The following TMEM230 variants were observed in gnomAD, a reference collection of about 807,000 sequenced individuals.
The protein encoded by TMEM230 is transmembrane protein 230.
TMEM230 carries 10 observed loss-of-function variants against 15.8 expected under a neutral mutation model. The ratio of observed to expected loss-of-function variants is 0.63; its 90% CI spans 0.39 to 1.07. The LOEUF is 1.07. Among genes scored for constraint, TMEM230 ranks in the 50% least tolerant of loss-of-function variants. TMEM230 has a pLI of 0.01. For synonymous variants in TMEM230, 67 were observed against 76.9 expected (o/e 0.87, Z 0.68); for missense variants, 165 against 193.3 (o/e 0.85, Z 0.87).
chr20:5,065,900 C>T (rs761268168), downstream of TMEM230, among the ~76,000 whole-genome samples: 2 of 152,168 alleles, frequency 1.3e-5, no homozygotes, highest in Non-Finnish European at 2.9e-5. Context: ...GTGGGCTGCA[C>T]TGGAGACCCC....
chr20:5,076,104 G>A (rs2088985275), intron 3 of TMEM230, among the ~76,000 whole-genome samples: 1 of 150,324 alleles, frequency 6.7e-6, no homozygotes, highest in Non-Finnish European at 1.5e-5. Flanking sequence ...GCAAGACCCT[G>A]TCTAAAAAAA....
intron 3 of TMEM230, among the ~76,000 whole-genome samples, chr20:5,089,971 G>A (rs1474589822): frequency 2.6e-5 from 4 of 151,996 alleles, no homozygotes; most frequent in Admixed American, 1.3e-4. Flanking sequence ...GTGGGCTATC[G>A]TGCCACTGCA....
intron 3 of TMEM230, among the ~76,000 whole-genome samples, chr20:5,093,319 C>T (rs921815784): frequency 5.3e-5 from 8 of 152,112 alleles, no homozygotes; most frequent in Non-Finnish European, 1.2e-4. Flanking sequence ...GCAATTTTGG[C>T]TCACTGCAAC....
chr20:5,067,410 CATATATATATATAT>C (rs60791101), downstream of TMEM230: 152 of 102,296 alleles, frequency 1.5e-3, no homozygotes, highest in Non-Finnish European at 1.8e-3. Flanking sequence ...TGTTTAGGCT[CATATATATATATAT>C]ATATATATAT....
chr20:5,077,165 A>G (rs2089029914), intron 3 of TMEM230, among the ~76,000 whole-genome samples: 1 of 151,876 alleles, frequency 6.6e-6, no homozygotes, highest in African/African-American at 2.4e-5. Flanking sequence ...AAATTAGCTG[A>G]ACATGGTGGC....
At chr20:5,107,608 T>C (rs954990490) in intron 3 of TMEM230, among the ~76,000 whole-genome samples, 1 of 152,196 alleles carries the variant, frequency 6.6e-6, no homozygotes, top group Non-Finnish European at 1.5e-5. Flanking sequence ...GGCACATAGA[T>C]GGCTGTACTA....
At chr20:5,059,444 G>T in the TMEM230 span, among the ~76,000 whole-genome samples, 1 of 152,030 alleles carries the variant, frequency 6.6e-6, no homozygotes, top group Non-Finnish European at 1.5e-5. Context: ...TGTATGTAAG[G>T]TTTAAAAAAT....
chr20:5,092,123 T>A (rs2089525782), intron 3 of TMEM230, among the ~76,000 whole-genome samples: 6 of 152,184 alleles, frequency 3.9e-5, no homozygotes, highest in Admixed American at 2.6e-4. Flanking sequence ...AAAGTCGTAA[T>A]CTCCACACAC....
At chr20:5,089,537 C>T (rs1433308245) in intron 3 of TMEM230, among the ~76,000 whole-genome samples, 19 of 150,702 alleles carry the variant, frequency 1.3e-4, no homozygotes, top group Admixed American at 1.3e-3. Context: ...CCCGTCTCCA[C>T]TAAAAATACA....
Position 5,109,465 on chromosome 20 carries a change from A to C in TMEM230, c.175-20T>G, listed in dbSNP as rs752681961. ...ACACAGCTACAGTTTAAAAACAAAA[A>C]ACCCGTTATTGTCTGTAGATGACAA... On this transcript the variant is annotated intron_variant, in intron 2 of 4. Transcript: ENST00000342308. 12 of 1,586,918 alleles carry C rather than the reference A, an allele frequency of 7.6e-6. No homozygotes were observed. Among genetic ancestry groups the C allele is most frequent in the Non-Finnish European group, 1.0e-5 (12 of 1,156,790 alleles).
At chr20:5,105,060 A>G (rs891693481) in intron 4 of TMEM230, among the ~76,000 whole-genome samples, 3 of 152,272 alleles carry the variant, frequency 2.0e-5, no homozygotes, top group Non-Finnish European at 4.4e-5. Context: ...CCACGCGGGC[A>G]GGCCGCTTGA....
chr20:5,111,652 G>C (rs1262476166), intron 1 of TMEM230: 1 of 89,808 alleles, frequency 1.1e-5, no homozygotes, highest in Non-Finnish European at 2.1e-5. Context: ...AAAAAATTCA[G>C]TATTTCAATA....
chr20:5,110,960 T>C (rs1313016167), intron 2 of TMEM230: 1 of 152,122 alleles, frequency 6.6e-6, no homozygotes, highest in Non-Finnish European at 1.5e-5. Context: ...GGTGGGTGGG[T>C]TACCTGAGGT....
chr20:5,106,370 C>A, intron 3 of TMEM230, 60 bp from the exon 3 acceptor site: 1 of 1,524,910 alleles, frequency 6.6e-7, no homozygotes, highest in Non-Finnish European at 8.8e-7. Flanking sequence ...TACCTGGGTT[C>A]AAACATTTAA....
intron 3 of TMEM230, among the ~76,000 whole-genome samples, chr20:5,074,446 G>A (rs1438585157): frequency 6.6e-6 from 1 of 151,680 alleles, no homozygotes; most frequent in Non-Finnish European, 1.5e-5. Flanking sequence ...ACCCCTAGAA[G>A]CCCAAACCCA....
chr20:5,086,676 A>G (rs2089346170), intron 3 of TMEM230, among the ~76,000 whole-genome samples: 2 of 150,470 alleles, frequency 1.3e-5, no homozygotes, highest in South Asian at 2.1e-4. Flanking sequence ...ATAATTCCAT[A>G]TTTAAATAAA....
intron 4 of TMEM230, among the ~76,000 whole-genome samples, chr20:5,104,394 G>A (rs6053113): frequency 0.16 from 24,650 of 152,158 alleles, 2,860 homozygotes; most frequent in African/African-American, 0.33. Flanking sequence ...CGGCAATAAC[G>A]AATGCTAGCG....
At chr20:5,109,532 T>C in intron 2 of TMEM230, 87 bp from the exon 2 acceptor site, 1 of 1,013,642 alleles carries the variant, frequency 9.9e-7, no homozygotes, top group Non-Finnish European at 1.5e-6. Context: ...TTAGATGCTG[T>C]GCACTGGAGT....
At chr20:5,065,703 T>C (rs1051349466), downstream of TMEM230, among the ~76,000 whole-genome samples, 8 of 152,180 alleles carry the variant, frequency 5.3e-5, no homozygotes, top group Admixed American at 2.6e-4. Context: ...GTCTAACGCC[T>C]GGGCTCTGGA....
Sources: gnomAD v4.1 joint callset for allele counts (sites outside exome capture counted in the v4.1 genomes callset) on GRCh38, gnomAD v4.1.1 for gene constraint, MANE v1.5 for transcripts, NCBI Gene and HGNC (gene_info 2026-07-23, HGNC 2026-07-21) for gene names.